DPYD: variants seen among roughly 807,000 people sequenced by gnomAD.
The protein encoded by DPYD is dihydropyrimidine dehydrogenase.
In DPYD, 109 loss-of-function variants were observed where a neutral mutation model predicts 116.2. The observed-to-expected ratio is 0.94, with a 90% CI of 0.80 to 1.10. The LOEUF (loss-of-function observed/expected upper bound fraction) is 1.10, where lower values mean the gene tolerates loss of function less well. Among genes scored for constraint, DPYD ranks in the 50% least tolerant of loss-of-function variants. The probability of loss-of-function intolerance (pLI) is 0.00; values close to 1 mark genes in which losing one functional copy is unlikely to be tolerated. For synonymous variants in DPYD, 440 were observed against 432.0 expected (o/e 1.02, Z -0.23); for missense variants, 1,302 against 1,254.5 (o/e 1.04, Z -0.57).
At chr1:97,777,627 G>A (rs1331362816) in intron 3 of DPYD, among the ~76,000 whole-genome samples, 1 of 152,076 alleles carries the variant, frequency 6.6e-6, no homozygotes, top group African/African-American at 2.4e-5. Context: ...CAAACAGAAA[G>A]GTATTTAAGG....
intron 3 of DPYD, chr1:97,797,141 T>C (rs377285984): frequency 7.9e-5 from 12 of 152,166 alleles, no homozygotes; most frequent in Middle Eastern, 3.4e-3. Context: ...AAGGAGGAAA[T>C]ACAAAAATGT....
At chr1:97,190,896 A>G (rs569646319) in intron 20 of DPYD, among the ~76,000 whole-genome samples, 5 of 152,232 alleles carry the variant, frequency 3.3e-5, no homozygotes, top group Admixed American at 2.6e-4. Flanking sequence ...TTTCCAAACA[A>G]AATTTTCCTG....
chr1:97,518,516 A>G (rs1009885149), intron 12 of DPYD, among the ~76,000 whole-genome samples: 1 of 152,080 alleles, frequency 6.6e-6, no homozygotes. Flanking sequence ...TCCCATCACA[A>G]GGTTAATTCC....
Position 97,089,055 on chromosome 1 carries a change from A to G in DPYD, c.2767-6585T>C, listed in dbSNP as rs115522587. Among the ~76,000 whole-genome samples the G allele has an allele frequency of 4.2e-3, 638 of 152,274 alleles. 3 individuals carry two copies. The highest frequency in any genetic ancestry group is 0.015 in the African/African-American group (614 of 41,554). ...CCTTTCACAATTCAATTGAAATAATAAAGCACTCGATCAGGCTGACTGGTG... is the reference window on the plus strand; with the variant it reads ...CCTTTCACAATTCAATTGAAATAATGAAGCACTCGATCAGGCTGACTGGTG... On this transcript the variant is annotated intron_variant, in intron 21 of 22. Coordinates refer to ENST00000370192, the MANE Select transcript of DPYD (RefSeq NM_000110.4).
At chr1:97,619,269 T>C (rs1656490523) in intron 8 of DPYD, among the ~76,000 whole-genome samples, 1 of 152,222 alleles carries the variant, frequency 6.6e-6, no homozygotes, top group Non-Finnish European at 1.5e-5. Context: ...TTATTTCTAC[T>C]TTAAACAATT....
chr1:97,830,722 AGAG>A (rs1300698817), intron 2 of DPYD, among the ~76,000 whole-genome samples: 1 of 149,992 alleles, frequency 6.7e-6, no homozygotes, highest in African/African-American at 2.5e-5. Flanking sequence ...AAAAAAAAAA[AGAG>A]AGAGAGAGAA....
intron 3 of DPYD, among the ~76,000 whole-genome samples, chr1:97,791,860 G>A (rs1167111081): frequency 6.6e-6 from 1 of 151,940 alleles, no homozygotes; most frequent in Non-Finnish European, 1.5e-5. Context: ...TGTAGGAAAA[G>A]ACAAAGAAGT....
At chr1:97,841,870 A>T (rs1050010680) in intron 2 of DPYD, among the ~76,000 whole-genome samples, 1 of 152,010 alleles carries the variant, frequency 6.6e-6, no homozygotes, top group Non-Finnish European at 1.5e-5. Flanking sequence ...TCTAGGAGAC[A>T]AGAAATTTTC....
chr1:97,496,772 C>A (rs1273740620), intron 13 of DPYD, among the ~76,000 whole-genome samples: 2 of 151,750 alleles, frequency 1.3e-5, no homozygotes, highest in Admixed American at 1.3e-4. Flanking sequence ...GTTTCTAATT[C>A]TCTCATAGCA....
intron 20 of DPYD, among the ~76,000 whole-genome samples, chr1:97,143,524 T>C (rs186992206): frequency 6.6e-6 from 1 of 152,290 alleles, no homozygotes; most frequent in Non-Finnish European, 1.5e-5. Flanking sequence ...TAAGGAAATT[T>C]AGTATTACCC....
At chr1:97,667,744 C>T (rs1431659083) in intron 8 of DPYD, among the ~76,000 whole-genome samples, 1 of 152,034 alleles carries the variant, frequency 6.6e-6, no homozygotes, top group African/African-American at 2.4e-5. Context: ...ATCAAGGACT[C>T]AAAGAAATAT....
intron 3 of DPYD, among the ~76,000 whole-genome samples, chr1:97,817,157 T>C (rs976245114): frequency 3.3e-5 from 5 of 152,088 alleles, no homozygotes; most frequent in Non-Finnish European, 5.9e-5. Context: ...GATGCCTTTG[T>C]ACAACATCAG....
chr1:97,553,896 A>C (rs1376098313), intron 11 of DPYD, among the ~76,000 whole-genome samples: 4 of 152,140 alleles, frequency 2.6e-5, no homozygotes, highest in African/African-American at 9.7e-5. Flanking sequence ...AATTTTATGC[A>C]GTCTTTATAA....
intron 20 of DPYD, among the ~76,000 whole-genome samples, chr1:97,173,022 G>A (rs555421511): frequency 6.6e-6 from 1 of 152,064 alleles, no homozygotes; most frequent in South Asian, 2.1e-4. Context: ...ATGTTGAGGA[G>A]TGGTAATTGA....
intron 8 of DPYD, among the ~76,000 whole-genome samples, chr1:97,611,049 C>G (rs1320778444): frequency 6.6e-6 from 1 of 151,804 alleles, no homozygotes; most frequent in South Asian, 2.1e-4. Context: ...ATGTATTCAT[C>G]CATTTTCACA....
intron 16 of DPYD, among the ~76,000 whole-genome samples, chr1:97,332,382 A>G (rs1669055211): frequency 6.6e-6 from 1 of 152,252 alleles, no homozygotes. Context: ...TATTAAACAC[A>G]CACGCATATA....
At chr1:97,420,177 T>TC (rs910097250) in intron 14 of DPYD, 1 of 151,882 alleles carries the variant, frequency 6.6e-6, no homozygotes, top group African/African-American at 2.4e-5. Flanking sequence ...GCAGGAGGCC[T>TC]CCCCCTCCTC....
intron 3 of DPYD, among the ~76,000 whole-genome samples, chr1:97,781,908 G>A (rs187947263): frequency 4.6e-5 from 7 of 152,302 alleles, no homozygotes; most frequent in Non-Finnish European, 8.8e-5. Flanking sequence ...CAGAGGAGAA[G>A]ACTGAGTCTT....
At chr1:97,512,315 A>G (rs1344409530) in intron 13 of DPYD, among the ~76,000 whole-genome samples, 2 of 151,888 alleles carry the variant, frequency 1.3e-5, no homozygotes, top group Non-Finnish European at 2.9e-5. Context: ...ATACTTATTT[A>G]CCTAATTTGA....
Sources: allele counts gnomAD v4.1 joint callset (sites outside exome capture counted in the v4.1 genomes callset), GRCh38; gene constraint gnomAD v4.1.1; transcripts MANE v1.5; gene names NCBI Gene and HGNC (gene_info 2026-07-23, HGNC 2026-07-21).